The following BTRC variants were observed in gnomAD, a reference collection of about 807,000 sequenced individuals.
BTRC encodes F-box/WD repeat-containing protein 1A.
BTRC carries 42 observed loss-of-function variants against 85.5 expected under a neutral mutation model. That is an observed-to-expected ratio of 0.49 (90% confidence interval 0.38 to 0.64). BTRC has a LOEUF of 0.64. Among genes scored for constraint, BTRC ranks in the 30% least tolerant of loss-of-function variants. The pLI is 0.00. For missense variants in BTRC, 594 were observed against 743.5 expected (o/e 0.80, Z 2.34); for synonymous variants, 255 against 263.3 (o/e 0.97, Z 0.30).
At chr10:101,359,191 T>C (rs1224977945) in intron 1 of BTRC, among the ~76,000 whole-genome samples, 1 of 152,230 alleles carries the variant, frequency 6.6e-6, no homozygotes, top group African/African-American at 2.4e-5. Flanking sequence ...CTAAACAGAT[T>C]ACATTTTAAA....
At chr10:101,521,097 A>G (rs1438576824) in intron 4 of BTRC, among the ~76,000 whole-genome samples, 1 of 152,170 alleles carries the variant, frequency 6.6e-6, no homozygotes, top group Non-Finnish European at 1.5e-5. Context: ...AGAAGACTCC[A>G]TCTCTACAAA....
intron 1 of BTRC, among the ~76,000 whole-genome samples, chr10:101,391,221 A>G (rs1046636339): frequency 2.0e-5 from 3 of 152,306 alleles, no homozygotes; most frequent in Admixed American, 6.5e-5. Flanking sequence ...GGAATAGTGT[A>G]ATTTGAAGCC....
chr10:101,357,898 G>A (rs1942089265), intron 1 of BTRC, among the ~76,000 whole-genome samples: 1 of 152,154 alleles, frequency 6.6e-6, no homozygotes, highest in African/African-American at 2.4e-5. Context: ...TAACTTACGT[G>A]CTAATGTCTC....
At chr10:101,447,340 T>C (rs34515087) in intron 2 of BTRC, among the ~76,000 whole-genome samples, 33,974 of 152,018 alleles carry the variant, frequency 0.22, 4,106 homozygotes, top group Middle Eastern at 0.28. Flanking sequence ...AATGGCCATG[T>C]TTTCTTTACT....
chr10:101,401,890 A>C (rs1163502921), intron 1 of BTRC, among the ~76,000 whole-genome samples: 1 of 151,866 alleles, frequency 6.6e-6, no homozygotes, highest in East Asian at 1.9e-4. Context: ...TAGAGTGCTT[A>C]GCAGGGCAAA....
chr10:101,498,650 G>C (rs953951375), intron 4 of BTRC, among the ~76,000 whole-genome samples: 1 of 152,052 alleles, frequency 6.6e-6, no homozygotes, highest in African/African-American at 2.4e-5. Context: ...TAGTGGGCAC[G>C]TCCTAATACA....
chr10:101,416,721 T>C (rs1943956106), intron 1 of BTRC, among the ~76,000 whole-genome samples: 1 of 152,172 alleles, frequency 6.6e-6, no homozygotes. Flanking sequence ...GGAAATGCCG[T>C]AGGGGAAAAA....
Position 101,401,109 on chromosome 10 carries a change from G to A in BTRC, c.49-29236G>A, listed in dbSNP as rs1435084685. On this transcript the variant is annotated intron_variant, in intron 1 of 14. Transcript: ENST00000370187. ...ATAAAAGAATTTGGACAGTCCCTTC[G>A]AACTTATTGCAATGAGATTTGACTT... Among the ~76,000 whole-genome samples the A allele has an allele frequency of 3.3e-5, 5 of 152,088 alleles. No homozygotes were observed. The South Asian group carries it at 6.2e-4, about 19-fold the overall frequency.
chr10:101,455,217 A>AT lies in BTRC; in HGVS notation c.157-6746dup, dbSNP rs34726129. ...AAGCATGTGCCACTATGCCCAGCTA[A>AT]TTTTTTTTTTTTTTTTTTATGTAGA... On this transcript the variant is annotated intron_variant, in intron 2 of 14. Coordinates refer to ENST00000370187, the MANE Select transcript of BTRC (RefSeq NM_033637.4). Among the ~76,000 whole-genome samples, 1,287 of 141,280 alleles carry AT rather than the reference A, an allele frequency of 9.1e-3. 7 individuals are homozygous for AT. Among genetic ancestry groups the AT allele is most frequent in the African/African-American group, 0.02 (772 of 38,062 alleles). The allele number at this position is 141,280 out of a possible 152,430, so 92.7% of individuals were successfully genotyped here. A position where few individuals can be genotyped will look rare whatever the true frequency, so the allele number is the denominator to read the frequency against.
At chr10:101,479,300 A>C in intron 3 of BTRC, 68 bp from the exon 4 acceptor site, 1 of 1,206,534 alleles carries the variant, frequency 8.3e-7, no homozygotes, top group African/African-American at 1.5e-5. Context: ...ATAGAGCAGA[A>C]TTTGAAAACA....
intron 3 of BTRC, among the ~76,000 whole-genome samples, chr10:101,472,309 C>CTTCTCTTCTCTTCTCTTCTCTTCTA: frequency 6.7e-6 from 1 of 149,422 alleles, no homozygotes; most frequent in South Asian, 2.1e-4. Context: ...CTTCTCTTCT[C>CTTCTCTTCTCTTCTCTTCTCTTCTA]TTCTCTTCTC....
chr10:101,381,436 A>G (rs938176784), intron 1 of BTRC, among the ~76,000 whole-genome samples: 2 of 152,214 alleles, frequency 1.3e-5, no homozygotes, highest in Non-Finnish European at 1.5e-5. Context: ...GAGAATAACA[A>G]TAACTGTTCT....
intron 3 of BTRC, among the ~76,000 whole-genome samples, chr10:101,467,829 ACATTATT>A (rs1229628939): frequency 3.3e-5 from 5 of 152,216 alleles, no homozygotes; most frequent in Admixed American, 1.3e-4. Context: ...GCATTTGTAG[ACATTATT>A]TAATACTTTG....
intron 4 of BTRC, among the ~76,000 whole-genome samples, chr10:101,498,255 G>A (rs1946313797): frequency 6.6e-6 from 1 of 151,916 alleles, no homozygotes; most frequent in African/African-American, 2.4e-5. Context: ...CTGGATTCAA[G>A]CAATTCCCCT....
chr10:101,517,648 T>C (rs1276652990), intron 4 of BTRC, among the ~76,000 whole-genome samples: 1 of 152,204 alleles, frequency 6.6e-6, no homozygotes, highest in Non-Finnish European at 1.5e-5. Context: ...TACCCATTTG[T>C]GATTATCCTT....
rs1942679379 is a variant in BTRC, at chr10:101,372,850, A to T, written c.48+18622A>T. Among the ~76,000 whole-genome samples, 4 of 151,942 alleles carry T rather than the reference A, an allele frequency of 2.6e-5. No homozygotes were observed. The South Asian group carries it at 8.3e-4, about 32-fold the overall frequency. On this transcript the variant is annotated intron_variant, in intron 1 of 14. Coordinates refer to ENST00000370187, the MANE Select transcript of BTRC (RefSeq NM_033637.4). ...ACTGCAGCCTGGGCAACAGAGCGAG[A>T]CTGTTTCCAAAAAAATAAAAAAGAA...
chr10:101,551,439 C>T (rs1054335993), intron 14 of BTRC, among the ~76,000 whole-genome samples: 4 of 152,206 alleles, frequency 2.6e-5, no homozygotes, highest in African/African-American at 4.8e-5. Flanking sequence ...TGTCTTTTGA[C>T]CTCTGACCTC....
Position 101,507,718 on chromosome 10 carries a change from A to G in BTRC, c.325-13921A>G, listed in dbSNP as rs1946577585. Among the ~76,000 whole-genome samples the G allele has an allele frequency of 2.0e-5, 3 of 152,224 alleles. No homozygotes were observed. In the South Asian group the frequency reaches 6.2e-4, roughly 31 times the overall value. Reference sequence around the variant, plus strand: ...TCAAGAAAGGCTGTGTCCTGAAATGATTAGCACAGTGAAATTTAAACCATT... The same window carrying G: ...TCAAGAAAGGCTGTGTCCTGAAATGGTTAGCACAGTGAAATTTAAACCATT... On this transcript the variant is annotated intron_variant, in intron 4 of 14. Transcript: ENST00000370187.
At position 101,399,039 on chromosome 10, in the gene BTRC, G is replaced by A. The variant is rs900111354; in HGVS notation, c.49-31306G>A. On this transcript the variant is annotated intron_variant, in intron 1 of 14. Coordinates refer to ENST00000370187, the MANE Select transcript of BTRC (RefSeq NM_033637.4). Reference sequence around the variant, plus strand: ...GCCATCTTGGCTCACTGCAACGTCCGCCTCCTGGGCTCAAGCGATTCTCCT... The same window carrying A: ...GCCATCTTGGCTCACTGCAACGTCCACCTCCTGGGCTCAAGCGATTCTCCT... 2.0e-5 allele frequency among the ~76,000 whole-genome samples: 3 copies of A among 152,094 alleles called. 1 individual carries two copies. The highest frequency in any genetic ancestry group is 1.3e-4 in the Admixed American group (2 of 15,270).
Sources: gnomAD v4.1 joint callset for allele counts (sites outside exome capture counted in the v4.1 genomes callset) on GRCh38, gnomAD v4.1.1 for gene constraint, MANE v1.5 for transcripts, NCBI Gene and HGNC (gene_info 2026-07-23, HGNC 2026-07-21) for gene names.